Variants in NUBPL observed in about 807,000 individuals in gnomAD.
NUBPL encodes iron-sulfur cluster transfer protein NUBPL.
A neutral mutation model predicts 45.7 loss-of-function variants in NUBPL; 31 were observed. That is an observed-to-expected ratio of 0.68 (90% CI 0.51 to 0.92). The LOEUF is 0.92. NUBPL is among the 40% of genes least tolerant of loss of function. NUBPL has a pLI of 0.00. For synonymous variants in NUBPL, 144 were observed against 140.9 expected (o/e 1.02, Z -0.15); for missense variants, 401 against 398.7 (o/e 1.01, Z -0.05).
rs2040699549 is a variant in NUBPL at position 31,860,701 on chromosome 14, T to A, written c.*1521T>A. The A allele has an allele frequency of 6.6e-6, 1 of 152,226 alleles. No individual in the cohort carries two copies. Among genetic ancestry groups the A allele is most frequent in the African/African-American group, 2.4e-5 (1 of 41,450 alleles). 9.4% of individuals were successfully genotyped at this position (152,226 alleles called of 1,614,324 possible). A position where few individuals can be genotyped will look rare whatever the true frequency, so the allele number is the denominator to read the frequency against. ...CACACAAAAACATGTACATTGATGTTTATTGCAATTTTATGTGTAATAACC... is the reference window on the plus strand; with the variant it reads ...CACACAAAAACATGTACATTGATGTATATTGCAATTTTATGTGTAATAACC... On this transcript the variant is annotated 3_prime_UTR_variant, in exon 11 of 11. Coordinates refer to ENST00000281081, the MANE Select transcript of NUBPL (RefSeq NM_025152.3).
intron 4 of NUBPL, among the ~76,000 whole-genome samples, chr14:31,645,389 G>A (rs2035819875): frequency 6.6e-6 from 1 of 152,162 alleles, no homozygotes; most frequent in Non-Finnish European, 1.5e-5. Context: ...CTAATAGGCA[G>A]CATATAGTTG....
At chr14:31,750,244 G>A (rs1395703990) in intron 6 of NUBPL, among the ~76,000 whole-genome samples, 1 of 149,616 alleles carries the variant, frequency 6.7e-6, no homozygotes, top group South Asian at 2.1e-4. Flanking sequence ...GCGCAGCCTC[G>A]GCTCACTGCA....
chr14:31,592,136 A>T (rs910152553), intron 3 of NUBPL, among the ~76,000 whole-genome samples: 11 of 152,212 alleles, frequency 7.2e-5, no homozygotes, highest in Admixed American at 3.9e-4. Context: ...CTGTGTGACT[A>T]TCTGAGGGAA....
intron 3 of NUBPL, among the ~76,000 whole-genome samples, chr14:31,572,284 T>C (rs1394657074): frequency 6.6e-6 from 1 of 151,986 alleles, no homozygotes; most frequent in Admixed American, 6.6e-5. Context: ...GGACTACAGG[T>C]ACCCGCCACC....
chr14:31,574,832 C>T (rs1321405746), intron 3 of NUBPL, among the ~76,000 whole-genome samples: 2 of 151,972 alleles, frequency 1.3e-5, no homozygotes, highest in South Asian at 2.1e-4. Flanking sequence ...CCGCCTGCCT[C>T]GGCCTCTCAA....
chr14:31,804,770 T>TAGG (rs1226552574), intron 7 of NUBPL, among the ~76,000 whole-genome samples: 1 of 152,048 alleles, frequency 6.6e-6, no homozygotes, highest in Non-Finnish European at 1.5e-5. Context: ...CCTTACACCA[T>TAGG]ATACAAAAAT....
At chr14:31,753,736 C>T (rs1439153319) in intron 6 of NUBPL, among the ~76,000 whole-genome samples, 1 of 152,166 alleles carries the variant, frequency 6.6e-6, no homozygotes, top group Non-Finnish European at 1.5e-5. Flanking sequence ...ATCCCGGGCT[C>T]AGGGCCTGTG....
intron 3 of NUBPL, chr14:31,578,119 G>A (rs2033766857): frequency 1.7e-5 from 9 of 536,446 alleles, no homozygotes; most frequent in South Asian, 1.2e-4. Flanking sequence ...TATTACCAAG[G>A]AATCATTTTG....
At chr14:31,746,450 A>G (rs1162572235) in intron 6 of NUBPL, among the ~76,000 whole-genome samples, 1 of 152,026 alleles carries the variant, frequency 6.6e-6, no homozygotes, top group Non-Finnish European at 1.5e-5. Flanking sequence ...AGATGATCAT[A>G]TAGTTTATGT....
At chr14:31,634,962 T>G (rs1185074784) in intron 4 of NUBPL, among the ~76,000 whole-genome samples, 1 of 150,368 alleles carries the variant, frequency 6.7e-6, no homozygotes, top group Non-Finnish European at 1.5e-5. Flanking sequence ...TAAATTTGTT[T>G]GAGTTCATTG....
intron 6 of NUBPL, among the ~76,000 whole-genome samples, chr14:31,754,201 G>A (rs1482444785): frequency 3.3e-5 from 5 of 152,160 alleles, no homozygotes; most frequent in Non-Finnish European, 7.4e-5. Context: ...TGACAAGAAT[G>A]AGTAATAGAA....
intron 8 of NUBPL, among the ~76,000 whole-genome samples, chr14:31,828,812 A>G (rs558568411): frequency 9.2e-5 from 14 of 152,330 alleles, no homozygotes; most frequent in African/African-American, 3.4e-4. Flanking sequence ...CTGTTCTGAC[A>G]GATTTTTTCC....
chr14:31,670,191 T>C (rs1018281929), intron 4 of NUBPL, among the ~76,000 whole-genome samples: 1 of 152,242 alleles, frequency 6.6e-6, no homozygotes, highest in Non-Finnish European at 1.5e-5. Flanking sequence ...TGTGAGTTGG[T>C]ATCTCATTGT....
intron 6 of NUBPL, among the ~76,000 whole-genome samples, chr14:31,763,300 A>G (rs535171347): frequency 6.6e-6 from 1 of 152,222 alleles, no homozygotes; most frequent in Non-Finnish European, 1.5e-5. Context: ...CACTATGCTT[A>G]GCCTGAAGGT....
chr14:31,807,783 T>G (rs1423356833), intron 7 of NUBPL, among the ~76,000 whole-genome samples: 1 of 152,232 alleles, frequency 6.6e-6, no homozygotes, highest in African/African-American at 2.4e-5. Context: ...TTAATCCATC[T>G]TGAATTAATT....
chr14:31,635,527 G>A (rs1180117011), intron 4 of NUBPL, among the ~76,000 whole-genome samples: 22 of 152,050 alleles, frequency 1.4e-4, no homozygotes, highest in South Asian at 4.2e-4. Context: ...GTAGTGTGAT[G>A]CCTCCAGCTT....
chr14:31,710,916 TA>T (rs1378554733), intron 6 of NUBPL, among the ~76,000 whole-genome samples: 4 of 152,122 alleles, frequency 2.6e-5, no homozygotes, highest in African/African-American at 9.7e-5. Flanking sequence ...CCTGGGTGCC[TA>T]AAGAAGGAAA....
intron 6 of NUBPL, among the ~76,000 whole-genome samples, chr14:31,693,800 T>TAAAAA (rs60070958): frequency 1.1e-5 from 1 of 94,598 alleles, no homozygotes; most frequent in Admixed American, 1.4e-4. Context: ...AAGACAAAAT[T>TAAAAA]AAAAAAAAAA....
Position 31,639,611 on chromosome 14 carries a change from A to G in NUBPL, c.383-33744A>G, listed in dbSNP as rs529601148. On this transcript the variant is annotated intron_variant, in intron 4 of 10. Transcript: ENST00000281081. ...CCTGGGAGAACCACTGCTCTCTTCA[A>G]AGATATCAGACAGGGACATTTAAGT... 2.6e-3 allele frequency among the ~76,000 whole-genome samples: 393 copies of G among 152,264 alleles called. 2 individuals carry two copies. The highest frequency in any genetic ancestry group is 9.1e-3 in the African/African-American group (378 of 41,562).
Sources: gnomAD v4.1 joint callset for allele counts (sites outside exome capture counted in the v4.1 genomes callset) on GRCh38, gnomAD v4.1.1 for gene constraint, MANE v1.5 for transcripts, NCBI Gene and HGNC (gene_info 2026-07-23, HGNC 2026-07-21) for gene names.